The following APCDD1L variants were observed in gnomAD, a reference collection of about 807,000 sequenced individuals.
The protein encoded by APCDD1L is protein APCDD1-like.
In APCDD1L, 21 loss-of-function variants were observed where a neutral mutation model predicts 24.2. That is an observed-to-expected ratio of 0.87 (90% confidence interval 0.61 to 1.25). The LOEUF (loss-of-function observed/expected upper bound fraction) is 1.25, where lower values mean the gene tolerates loss of function less well. Ranked by LOEUF, APCDD1L falls within the 50% of genes most tolerant of loss-of-function variation. The pLI is 0.00. For missense variants in APCDD1L, 704 were observed against 711.7 expected, an observed-to-expected ratio of 0.99 and a Z score of 0.12; for synonymous variants, 321 against 323.6, an observed-to-expected ratio of 0.99 and a Z score of 0.09.
intron 1 of APCDD1L, among the ~76,000 whole-genome samples, chr20:58,490,014 G>T (rs1218722866): frequency 2.0e-5 from 3 of 152,108 alleles, no homozygotes; most frequent in African/African-American, 4.8e-5. Flanking sequence ...TCAATAACTT[G>T]AGTCTTCTAT....
At chr20:58,489,412 G>A (rs192045585) in intron 1 of APCDD1L, among the ~76,000 whole-genome samples, 37 of 151,856 alleles carry the variant, frequency 2.4e-4, no homozygotes, top group Non-Finnish European at 4.7e-4. Flanking sequence ...GGTCAGGTGC[G>A]GTGGCTCACA....
At chr20:58,472,691 G>A (rs1989833698) in intron 1 of APCDD1L, among the ~76,000 whole-genome samples, 1 of 152,218 alleles carries the variant, frequency 6.6e-6, no homozygotes, top group African/African-American at 2.4e-5. Context: ...CACCCAGCCA[G>A]GGCCAAGGTG....
intron 1 of APCDD1L, among the ~76,000 whole-genome samples, chr20:58,475,549 G>A (rs1460063920): frequency 6.6e-6 from 1 of 152,032 alleles, no homozygotes; most frequent in South Asian, 2.1e-4. Flanking sequence ...AGATGTACAA[G>A]GGACTCGTGG....
rs150582348 is a variant in APCDD1L at position 58,513,914 on chromosome 20, G to A, written c.49+745C>T. On this transcript the variant is annotated intron_variant, in intron 1 of 3. Transcript: ENST00000371149. Reference sequence around the variant, plus strand: ...TCTCAGCCATTCATAATGTGAGGGTGCTTGGGGATGAGCCCCCAGCTGGGC... The same window carrying A: ...TCTCAGCCATTCATAATGTGAGGGTACTTGGGGATGAGCCCCCAGCTGGGC... 39 of 1,303,850 alleles carry A rather than the reference G, an allele frequency of 3.0e-5. 1 individual carries two copies. In the South Asian group the frequency reaches 4.7e-4, roughly 16 times the overall value. 80.8% of individuals were successfully genotyped at this position (1,303,850 alleles called of 1,614,324 possible).
chr20:58,504,183 G>C (rs1181654919), intron 1 of APCDD1L, among the ~76,000 whole-genome samples: 5 of 152,192 alleles, frequency 3.3e-5, no homozygotes, highest in Non-Finnish European at 5.9e-5. Context: ...ATTGCTCAGG[G>C]CAAAGGCTCC....
chr20:58,478,912 T>C (rs1414745477), intron 1 of APCDD1L, among the ~76,000 whole-genome samples: 2 of 151,628 alleles, frequency 1.3e-5, no homozygotes, highest in Non-Finnish European at 2.9e-5. Context: ...TGAAGGGAGA[T>C]TGGTGTGTGA....
rs1233223516 is a variant in APCDD1L, at chr20:58,460,184, C to A, written c.*606G>T. On this transcript the variant is annotated 3_prime_UTR_variant, in exon 4 of 4. Transcript: ENST00000371149. The surrounding 1 kb of genome is among the most constrained non-coding windows in gnomAD (Gnocchi z 4.2). ...CAGACGAATGCCAGCAGTCAGGACT[C>A]AGGAAAGCTGAGCTGCCCCTGAAGA... 1 of 152,290 alleles carries A rather than the reference C, an allele frequency of 6.6e-6. No individual in the cohort carries two copies. Among genetic ancestry groups the A allele is most frequent in the Non-Finnish European group, 1.5e-5 (1 of 68,084 alleles). The allele number at this position is 152,290 out of a possible 1,614,324, so 9.4% of individuals were successfully genotyped here.
Position 58,461,248 on chromosome 20 carries a change from C to G in APCDD1L, c.1048G>C (p.Glu350Gln). ...GCCCGTGTGACCTCAAACACCAGCTCGGTGCCGCCGCGGACCCTGGTGGAT... is the reference window on the plus strand; with the variant it reads ...GCCCGTGTGACCTCAAACACCAGCTGGGTGCCGCCGCGGACCCTGGTGGAT... Reference protein sequence around the residue: ...TPSTRVRGGTELVFEVTRAHV... With the variant: ...TPSTRVRGGTQLVFEVTRAHV... Residue 350 changes from glutamate (E) to glutamine (Q), a missense_variant, in exon 4 of 4, where the codon GAG becomes CAG. Coordinates refer to ENST00000371149, the MANE Select transcript of APCDD1L (RefSeq NM_153360.3). The surrounding 1 kb of genome is among the most constrained non-coding windows in gnomAD (Gnocchi z 6.0). 6.2e-7 allele frequency: 1 copy of G among 1,613,478 alleles called. No homozygotes were observed. The highest frequency in any genetic ancestry group is 1.7e-4 in the Middle Eastern group (1 of 6,060).
intron 1 of APCDD1L, among the ~76,000 whole-genome samples, chr20:58,503,753 T>G (rs1990484821): frequency 6.6e-6 from 1 of 152,156 alleles, no homozygotes; most frequent in African/African-American, 2.4e-5. Context: ...GTCTCAAACT[T>G]TGTAGGCATA....
chr20:58,487,397 A>T (rs1302776991), intron 1 of APCDD1L, among the ~76,000 whole-genome samples: 1 of 128,538 alleles, frequency 7.8e-6, no homozygotes, highest in African/African-American at 3.0e-5. Context: ...AAATAAACTA[A>T]TTCCTTAAAT....
chr20:58,490,281 A>C (rs547084071), intron 1 of APCDD1L, among the ~76,000 whole-genome samples: 1 of 152,114 alleles, frequency 6.6e-6, no homozygotes, highest in Non-Finnish European at 1.5e-5. Flanking sequence ...AAGCTATGAG[A>C]TTTACAACAA....
intron 1 of APCDD1L, among the ~76,000 whole-genome samples, chr20:58,482,921 G>A (rs2123158269): frequency 6.6e-6 from 1 of 152,306 alleles, no homozygotes; most frequent in East Asian, 1.9e-4. Flanking sequence ...AGCACCTACT[G>A]TGTGCTTGGC....
In APCDD1L at chr20:58,461,640, G is replaced by C; in HGVS notation, c.742-86C>G. 1 of 1,318,624 alleles carries C rather than the reference G, an allele frequency of 7.6e-7. No individual in the cohort carries two copies. The highest frequency in any genetic ancestry group is 9.8e-7 in the Non-Finnish European group (1 of 1,023,398). 81.7% of individuals were successfully genotyped at this position (1,318,624 alleles called of 1,614,324 possible). On this transcript the variant is annotated intron_variant, in intron 3 of 3. Coordinates refer to ENST00000371149, the MANE Select transcript of APCDD1L (RefSeq NM_153360.3). This position sits in a 1 kb window ranked among gnomAD's most constrained non-coding sequence, Gnocchi z 6.0. Reference sequence around the variant, plus strand: ...TGGAAAGGAACCCCAGCTCTGTAGGGGTGTCAAGGCAGGGTGAGGTGCGGC... The same window carrying C: ...TGGAAAGGAACCCCAGCTCTGTAGGCGTGTCAAGGCAGGGTGAGGTGCGGC...
rs1259538326 is a variant in APCDD1L, at chr20:58,467,877, C to T, written c.189-219G>A. ...GCCTCGTGGCCTCGACACAAGCCTTCTAGTTCATTCTCCTTTCCTTCAATC... is the reference window on the plus strand; with the variant it reads ...GCCTCGTGGCCTCGACACAAGCCTTTTAGTTCATTCTCCTTTCCTTCAATC... On this transcript the variant is annotated intron_variant, in intron 2 of 3. Transcript: ENST00000371149. The surrounding 1 kb of genome is among the most constrained non-coding windows in gnomAD (Gnocchi z 5.9). 3.9e-5 allele frequency among the ~76,000 whole-genome samples: 6 copies of T among 152,146 alleles called. No homozygotes were observed. The highest frequency in any genetic ancestry group is 1.4e-4 in the African/African-American group (6 of 41,444).
chr20:58,496,083 T>C (rs1286043025), intron 1 of APCDD1L, among the ~76,000 whole-genome samples: 3 of 152,226 alleles, frequency 2.0e-5, no homozygotes, highest in Non-Finnish European at 2.9e-5. Context: ...TTCTATTCAG[T>C]CCACTTTTCC....
intron 1 of APCDD1L, among the ~76,000 whole-genome samples, chr20:58,511,487 T>G (rs537118143): frequency 6.6e-5 from 10 of 152,344 alleles, no homozygotes; most frequent in African/African-American, 2.4e-4. Flanking sequence ...AGCTTCTAAC[T>G]GCTTTGCCAT....
Position 58,494,501 on chromosome 20 carries a change from A to G in APCDD1L, c.49+20158T>C, listed in dbSNP as rs966037591. 2.8e-5 allele frequency among the ~76,000 whole-genome samples: 2 copies of G among 71,032 alleles called. No individual in the cohort carries two copies. The highest frequency in any genetic ancestry group is 5.6e-5 in the Non-Finnish European group (2 of 35,810). 46.6% of individuals were successfully genotyped at this position (71,032 alleles called of 152,430 possible). Reference sequence around the variant, plus strand: ...GTGTGCACCACTGCCACACTCAGCTAATTTTTAATTTTTTTTTTGGTAGAG... The same window carrying G: ...GTGTGCACCACTGCCACACTCAGCTGATTTTTAATTTTTTTTTTGGTAGAG... On this transcript the variant is annotated intron_variant, in intron 1 of 3. Transcript: ENST00000371149. The surrounding 1 kb of genome is among the most constrained non-coding windows in gnomAD (Gnocchi z 4.8).
chr20:58,495,648 C>T (rs887563425), intron 1 of APCDD1L, among the ~76,000 whole-genome samples: 1 of 152,158 alleles, frequency 6.6e-6, no homozygotes, highest in Non-Finnish European at 1.5e-5. Flanking sequence ...TAAGAAGCCT[C>T]AGTGCCCTCG....
At chr20:58,469,395 T>G (rs1989771423) in intron 2 of APCDD1L, among the ~76,000 whole-genome samples, 1 of 152,174 alleles carries the variant, frequency 6.6e-6, no homozygotes. Context: ...CAGGTCACAC[T>G]GGACCTCTTG....
Sources: gnomAD v4.1 joint callset for allele counts (sites outside exome capture counted in the v4.1 genomes callset) on GRCh38, gnomAD v4.1.1 for gene constraint, Gnocchi (gnomAD v3.1) non-coding constraint, MANE v1.5 for transcripts, NCBI Gene and HGNC (gene_info 2026-07-23, HGNC 2026-07-21) for gene names.